Variants in LRMDA observed in about 807,000 individuals in gnomAD.
The protein encoded by LRMDA is leucine rich melanocyte differentiation associated, also known as leucine-rich melanocyte differentiation-associated protein.
A neutral mutation model predicts 29.8 loss-of-function variants in LRMDA; 18 were observed. The ratio of observed to expected loss-of-function variants is 0.60; its 90% CI spans 0.42 to 0.90. LRMDA has a LOEUF of 0.90. LRMDA is among the 40% of genes least tolerant of loss of function. The probability of loss-of-function intolerance (pLI) is 0.00; values close to 1 mark genes in which losing one functional copy is unlikely to be tolerated. For missense variants in LRMDA, 273 were observed against 273.9 expected (o/e 1.00, Z 0.02); for synonymous variants, 125 against 109.4 (o/e 1.14, Z -0.89).
intron 5 of LRMDA, among the ~76,000 whole-genome samples, chr10:76,078,904 C>G (rs1197831837): frequency 6.6e-6 from 1 of 152,176 alleles, no homozygotes; most frequent in East Asian, 1.9e-4. Flanking sequence ...TTCTTCTCAC[C>G]CATTGGCTAG....
intron 6 of LRMDA, among the ~76,000 whole-genome samples, chr10:76,365,107 T>TATATATATACACACACAC (rs141131236): frequency 9.3e-4 from 57 of 61,250 alleles, no homozygotes; most frequent in African/African-American, 1.7e-3. Context: ...TATATATATA[T>TATATATATACACACACAC]ACACACACAC....
intron 2 of LRMDA, among the ~76,000 whole-genome samples, chr10:75,946,804 C>T (rs962111438): frequency 2.6e-5 from 4 of 152,164 alleles, no homozygotes; most frequent in South Asian, 2.1e-4. Context: ...CTCGTGTTCT[C>T]GGCCACTCAC....
intron 2 of LRMDA, among the ~76,000 whole-genome samples, chr10:76,025,541 A>G (rs976452508): frequency 1.3e-5 from 2 of 151,846 alleles, no homozygotes; most frequent in African/African-American, 4.8e-5. Context: ...AGCAGATTCC[A>G]TGACTTGTGC....
intron 2 of LRMDA, among the ~76,000 whole-genome samples, chr10:75,831,965 G>A (rs116578144): frequency 0.16 from 24,482 of 152,218 alleles, 2,154 homozygotes; most frequent in Admixed American, 0.22. Context: ...GGCCCAGCCC[G>A]TGAAACCATT....
chr10:75,772,869 T>TGGGG (rs1554824987), intron 2 of LRMDA, among the ~76,000 whole-genome samples: 19 of 49,786 alleles, frequency 3.8e-4, no homozygotes, highest in East Asian at 1.4e-3. Flanking sequence ...GGGGGTGGGA[T>TGGGG]GGGGGGGGGC....
intron 2 of LRMDA, among the ~76,000 whole-genome samples, chr10:75,543,079 A>G (rs1393214516): frequency 6.6e-6 from 1 of 152,222 alleles, no homozygotes; most frequent in Non-Finnish European, 1.5e-5. Flanking sequence ...AATTGATAGC[A>G]GGCTGCCTAG....
chr10:75,684,849 G>A (rs1007974203), intron 2 of LRMDA, among the ~76,000 whole-genome samples: 3 of 152,182 alleles, frequency 2.0e-5, no homozygotes, highest in African/African-American at 7.2e-5. Context: ...TCCCAGCTCA[G>A]TGAGGCAGCC....
At chr10:76,516,423 C>A (rs907072944) in intron 6 of LRMDA, among the ~76,000 whole-genome samples, 2 of 152,034 alleles carry the variant, frequency 1.3e-5, no homozygotes, top group East Asian at 3.9e-4. Context: ...ATACATGTGC[C>A]ATGTTGGTGT....
chr10:76,547,348 TG>T (rs1001623273), intron 6 of LRMDA, among the ~76,000 whole-genome samples: 8 of 152,006 alleles, frequency 5.3e-5, no homozygotes, highest in African/African-American at 1.9e-4. Flanking sequence ...AACCCCAAAA[TG>T]GGGGGCAAGG....
At chr10:75,832,845 A>C (rs972222415) in intron 2 of LRMDA, among the ~76,000 whole-genome samples, 1 of 152,168 alleles carries the variant, frequency 6.6e-6, no homozygotes, top group Admixed American at 6.5e-5. Flanking sequence ...CGTGAGACCC[A>C]TTCACTATCA....
intron 2 of LRMDA, among the ~76,000 whole-genome samples, chr10:75,788,423 GGAA>G (rs1240305703): frequency 8.5e-5 from 13 of 152,336 alleles, no homozygotes; most frequent in South Asian, 8.3e-4. Context: ...TAAGCAGGAA[GGAA>G]GAAGAAGGGG....
Position 76,294,533 on chromosome 10 carries a change from A to T in LRMDA, c.517-29868A>T, listed in dbSNP as rs571994129. On this transcript the variant is annotated intron_variant, in intron 5 of 6. Coordinates refer to ENST00000611255, the MANE Select transcript of LRMDA (RefSeq NM_001305581.2). The stretch of plus-strand genomic sequence containing the variant: ...TGTCCTTGTCCCTGACCTAGTAAAC[A>T]TTTTTATCAAGAACATGTAAGGAGC... Among the ~76,000 whole-genome samples the T allele has an allele frequency of 2.0e-5, 3 of 152,256 alleles. No individual in the cohort carries two copies. In the East Asian group the frequency reaches 5.8e-4, roughly 29 times the overall value.
chr10:75,823,786 C>A (rs1420787557), intron 2 of LRMDA, among the ~76,000 whole-genome samples: 2 of 150,832 alleles, frequency 1.3e-5, no homozygotes, highest in African/African-American at 4.9e-5. Context: ...ACACACACAC[C>A]ATGGAATGCT....
intron 5 of LRMDA, among the ~76,000 whole-genome samples, chr10:76,275,756 A>G (rs1367870104): frequency 6.6e-6 from 1 of 152,120 alleles, no homozygotes; most frequent in African/African-American, 2.4e-5. Context: ...AAAATTTTGC[A>G]GTAGATTTGG....
At chr10:75,712,980 A>G (rs1174632241) in intron 2 of LRMDA, among the ~76,000 whole-genome samples, 5 of 152,188 alleles carry the variant, frequency 3.3e-5, no homozygotes, top group Non-Finnish European at 7.3e-5. Flanking sequence ...AGCAAGTAAT[A>G]ATATTTACCT....
chr10:75,626,558 G>A (rs1438796216), intron 2 of LRMDA, among the ~76,000 whole-genome samples: 1 of 152,184 alleles, frequency 6.6e-6, no homozygotes, highest in Non-Finnish European at 1.5e-5. Flanking sequence ...CTCTTGGAGA[G>A]TGTTTAAGGA....
chr10:75,868,503 G>A (rs1845056498), intron 2 of LRMDA, among the ~76,000 whole-genome samples: 1 of 152,178 alleles, frequency 6.6e-6, no homozygotes, highest in Non-Finnish European at 1.5e-5. Flanking sequence ...TATTTGCACT[G>A]CTTCACCAAT....
intron 5 of LRMDA, among the ~76,000 whole-genome samples, chr10:76,307,948 A>T (rs966107760): frequency 6.6e-6 from 1 of 152,162 alleles, no homozygotes; most frequent in Admixed American, 6.6e-5. Context: ...CAAAAGGATA[A>T]TCTTATTTTC....
intron 2 of LRMDA, among the ~76,000 whole-genome samples, chr10:75,443,718 G>A (rs942847399): frequency 6.6e-6 from 1 of 152,166 alleles, no homozygotes; most frequent in East Asian, 1.9e-4. Context: ...ACGTTTGAAA[G>A]TGTTCCCTAC....
Sources: allele counts gnomAD v4.1 joint callset (sites outside exome capture counted in the v4.1 genomes callset), GRCh38; gene constraint gnomAD v4.1.1; transcripts MANE v1.5; gene names NCBI Gene and HGNC (gene_info 2026-07-23, HGNC 2026-07-21).